The following BICD1 variants were observed in gnomAD, a reference collection of about 807,000 sequenced individuals.
BICD1 encodes the protein protein bicaudal D homolog 1.
In BICD1, 35 loss-of-function variants were observed where a neutral mutation model predicts 92.5. The observed-to-expected ratio is 0.38, with a 90% CI of 0.29 to 0.50. BICD1 has a LOEUF of 0.50. Ranked by LOEUF, BICD1 falls within the 20% of genes least tolerant of loss-of-function variation. The pLI, the probability that BICD1 is intolerant of heterozygous loss-of-function variation, is 0.93. For missense variants in BICD1, 950 were observed against 1,189.8 expected (o/e 0.80, Z 2.97); for synonymous variants, 429 against 465.1 (o/e 0.92, Z 1.00).
chr12:32,166,105 CATTTATTTATTTATTT>C (rs778850950), intron 1 of BICD1, among the ~76,000 whole-genome samples: 3 of 121,874 alleles, frequency 2.5e-5, no homozygotes, highest in South Asian at 2.8e-4. Context: ...TGTCTGGAGA[CATTTATTTATTTATTT>C]ATTTATTTAT....
chr12:32,166,146 A>ATTTG (rs2121512878), intron 1 of BICD1, among the ~76,000 whole-genome samples: 1 of 81,460 alleles, frequency 1.2e-5, no homozygotes, highest in Admixed American at 1.5e-4. Flanking sequence ...TTATTTATTT[A>ATTTG]TTTTTTGGAG....
intron 1 of BICD1, among the ~76,000 whole-genome samples, chr12:32,146,787 T>C (rs941703364): frequency 4.5e-4 from 65 of 143,626 alleles, no homozygotes; most frequent in Non-Finnish European, 8.1e-4. Flanking sequence ...CTCCTTCTGC[T>C]TCTCTTTCTC....
chr12:32,295,129 G>T (rs935005018), intron 3 of BICD1, among the ~76,000 whole-genome samples: 57 of 148,876 alleles, frequency 3.8e-4, no homozygotes, highest in Non-Finnish European at 3.9e-4. Context: ...TTCTTTTTCA[G>T]CTGTAACCTG....
intron 1 of BICD1, among the ~76,000 whole-genome samples, chr12:32,166,751 A>G (rs1943782586): frequency 6.6e-6 from 1 of 152,196 alleles, no homozygotes; most frequent in African/African-American, 2.4e-5. Context: ...AGCATCAGTA[A>G]TCCCTGTACC....
In BICD1 at chr12:32,304,023, G is replaced by A. The variant is rs543554141; in HGVS notation, c.580-1674G>A. 3.9e-5 allele frequency among the ~76,000 whole-genome samples: 6 copies of A among 151,904 alleles called. No homozygotes were observed. The South Asian group carries it at 6.3e-4, about 16-fold the overall frequency. On this transcript the variant is annotated intron_variant, in intron 3 of 9. Transcript: ENST00000652176. ...CAGGAGGTAGAGCTTGCAGTGAGCC[G>A]AGATCACGCCACTGCACTCCAGCCT...
intron 2 of BICD1, among the ~76,000 whole-genome samples, chr12:32,282,202 CTTTTTTTTTTTTTTTTTT>C (rs56217529): frequency 3.5e-3 from 326 of 94,256 alleles, no homozygotes; most frequent in East Asian, 0.016. Context: ...AGGTCTTCTT[CTTTTTTTTTTTTTTTTTT>C]TTTTTTTTTT....
rs187883408 is a variant in BICD1 at position 32,282,589 on chromosome 12, G to T, written c.427-11405G>T. 2.9e-3 allele frequency among the ~76,000 whole-genome samples: 448 copies of T among 152,206 alleles called. 8 individuals carry two copies. Among genetic ancestry groups the T allele is most frequent in the Non-Finnish European group, 9.0e-4 (61 of 68,014 alleles). The stretch of plus-strand genomic sequence containing the variant: ...ACGTGGATTTGAGAATCATCAGCAC[G>T]CAAGGAGGTATCTAAAGCTGGAGGC... On this transcript the variant is annotated intron_variant, in intron 2 of 9. Transcript: ENST00000652176.
At chr12:32,268,893 A>G (rs1222288735) in intron 2 of BICD1, among the ~76,000 whole-genome samples, 1 of 152,212 alleles carries the variant, frequency 6.6e-6, no homozygotes, top group African/African-American at 2.4e-5. Flanking sequence ...TCATAAGCCA[A>G]CCTACTTATG....
In BICD1 at chr12:32,373,708, TA is replaced by T. The variant is rs34938708; in HGVS notation, c.2841-3819del. Among the ~76,000 whole-genome samples, 779 of 144,496 alleles carry T rather than the reference TA, an allele frequency of 5.4e-3. 3 individuals carry two copies. The highest frequency in any genetic ancestry group is 7.7e-3 in the Non-Finnish European group (510 of 66,022). 94.8% of individuals were successfully genotyped at this position (144,496 alleles called of 152,430 possible). On this transcript the variant is annotated intron_variant, in intron 9 of 9. Transcript: ENST00000652176. ...TAACACAGTGAAACCCCGTCTCTAC[TA>T]AAAAAAAAAAAATACAAAAAATTAG...
At chr12:32,344,000 A>G (rs1445847590) in intron 8 of BICD1, among the ~76,000 whole-genome samples, 1 of 152,242 alleles carries the variant, frequency 6.6e-6, no homozygotes, top group Non-Finnish European at 1.5e-5. Context: ...ATTCACCAGA[A>G]TGTAACAAAA....
intron 1 of BICD1, among the ~76,000 whole-genome samples, chr12:32,118,060 A>ATATTT (rs372623765): frequency 0.014 from 1,895 of 135,172 alleles, 32 homozygotes; most frequent in African/African-American, 0.039. Flanking sequence ...GCTTAGTCCA[A>ATATTT]TATTTTATTT....
chr12:32,168,875 T>G (rs979789815), intron 1 of BICD1, among the ~76,000 whole-genome samples: 1 of 151,494 alleles, frequency 6.6e-6, no homozygotes, highest in African/African-American at 2.4e-5. Flanking sequence ...GGCAGGAGAA[T>G]CGCTTGAACC....
intron 2 of BICD1, among the ~76,000 whole-genome samples, chr12:32,249,190 T>C (rs753496841): frequency 6.6e-6 from 1 of 152,092 alleles, no homozygotes; most frequent in African/African-American, 2.4e-5. Context: ...GGGTAGAGTA[T>C]AGCAATAGCT....
intron 2 of BICD1, among the ~76,000 whole-genome samples, chr12:32,277,588 G>A (rs1947310136): frequency 1.3e-5 from 2 of 152,306 alleles, no homozygotes; most frequent in Admixed American, 6.5e-5. Flanking sequence ...AAACAGCTAA[G>A]TCAATCCGTC....
At chr12:32,371,273 G>A (rs774976572) in intron 9 of BICD1, among the ~76,000 whole-genome samples, 5 of 152,098 alleles carry the variant, frequency 3.3e-5, no homozygotes, top group Non-Finnish European at 7.3e-5. Context: ...CGTGGTCTAC[G>A]TAAAGAAATG....
intron 4 of BICD1, among the ~76,000 whole-genome samples, chr12:32,315,770 C>T (rs1197095010): frequency 2.0e-5 from 3 of 152,044 alleles, no homozygotes; most frequent in African/African-American, 7.2e-5. Flanking sequence ...ACCTATACAA[C>T]TGTTCTGTTT....
chr12:32,275,991 C>T (rs1056416370), intron 2 of BICD1, among the ~76,000 whole-genome samples: 5 of 152,012 alleles, frequency 3.3e-5, no homozygotes, highest in Non-Finnish European at 2.9e-5. Context: ...AAGCCGCCCA[C>T]CACCATCTTG....
intron 1 of BICD1, among the ~76,000 whole-genome samples, chr12:32,116,342 C>G (rs1372417082): frequency 6.6e-6 from 1 of 152,142 alleles, no homozygotes; most frequent in African/African-American, 2.4e-5. Context: ...TCCATCAACT[C>G]TTTTATGTAT....
chr12:32,278,171 C>T (rs558232157), intron 2 of BICD1, among the ~76,000 whole-genome samples: 1 of 152,264 alleles, frequency 6.6e-6, no homozygotes, highest in African/African-American at 2.4e-5. Flanking sequence ...ATTATTGCAC[C>T]ATCTAGATTT....
Sources: gnomAD v4.1 joint callset for allele counts (sites outside exome capture counted in the v4.1 genomes callset) on GRCh38, gnomAD v4.1.1 for gene constraint, MANE v1.5 for transcripts, NCBI Gene and HGNC (gene_info 2026-07-23, HGNC 2026-07-21) for gene names.